Variants in DRC11L observed in about 807,000 individuals in gnomAD.
The protein encoded by DRC11L is dynein regulatory complex subunit like-11.
the DRC11L span, chr7:151,196,596 CG>C: frequency 2.5e-6 from 1 of 399,596 alleles, no homozygotes; most frequent in African/African-American, 2.1e-5. Flanking sequence ...GTCAGAGTGC[CG>C]GGTGCATACA....
At chr7:151,200,954 T>C in the DRC11L span, among the ~76,000 whole-genome samples, 1 of 150,968 alleles carries the variant, frequency 6.6e-6, no homozygotes, top group Non-Finnish European at 1.5e-5. Flanking sequence ...GCTGGACCCG[T>C]CCTCTTTCTC....
the DRC11L span, among the ~76,000 whole-genome samples, chr7:151,194,102 G>A: frequency 2.6e-5 from 4 of 151,978 alleles, no homozygotes; most frequent in African/African-American, 9.7e-5. Context: ...CAATCTGGGT[G>A]TGACCTCCAG....
At chr7:151,192,251 C>G in the DRC11L span, 1 of 399,066 alleles carries the variant, frequency 2.5e-6, no homozygotes, top group Non-Finnish European at 4.4e-6. Context: ...GTAGGCGCAG[C>G]CGTCCCCACA....
At chr7:151,204,521 G>C in the DRC11L span, 1 of 398,900 alleles carries the variant, frequency 2.5e-6, no homozygotes, top group Non-Finnish European at 4.4e-6. Context: ...GGGTGAGCTT[G>C]AAATCCTGCA....
At chr7:151,196,616 T>C in the DRC11L span, 41 of 399,380 alleles carry the variant, frequency 1.0e-4, no homozygotes, top group Middle Eastern at 6.2e-4. Flanking sequence ...CACACATGCA[T>C]TCATGCGTGC....
the DRC11L span, among the ~76,000 whole-genome samples, chr7:151,205,234 G>A: frequency 2.0e-5 from 3 of 152,104 alleles, no homozygotes; most frequent in Non-Finnish European, 2.9e-5. Flanking sequence ...AGGGATGAAT[G>A]TGGAGGAGGG....
the DRC11L span, chr7:151,193,222 C>G: frequency 1.8e-5 from 7 of 398,704 alleles, no homozygotes; most frequent in Non-Finnish European, 3.1e-5. Context: ...GTGACGTGAC[C>G]TCAAAGCCCC....
At chr7:151,191,865 G>C in the DRC11L span, 493 of 399,146 alleles carry the variant, frequency 1.2e-3, 2 homozygotes, top group African/African-American at 9.4e-3. Flanking sequence ...TCTATCATAC[G>C]CTTCCAGAGC....
chr7:151,190,977 C>T, the DRC11L span: 172 of 400,256 alleles, frequency 4.3e-4, no homozygotes, highest in South Asian at 1.5e-3. Flanking sequence ...CAAGCCTTAG[C>T]CATCACTTCC....
At chr7:151,204,391 C>T in the DRC11L span, 4 of 393,672 alleles carry the variant, frequency 1.0e-5, no homozygotes, top group Admixed American at 1.8e-4. Flanking sequence ...CTACCCCACC[C>T]GACCCCAAGC....
At chr7:151,193,048 G>A in the DRC11L span, 1 of 397,144 alleles carries the variant, frequency 2.5e-6, no homozygotes, top group Non-Finnish European at 4.4e-6. Context: ...TGGGGGAGCT[G>A]CATATTCAGT....
the DRC11L span, among the ~76,000 whole-genome samples, chr7:151,196,736 C>T: frequency 6.6e-6 from 1 of 152,204 alleles, no homozygotes; most frequent in Non-Finnish European, 1.5e-5. Context: ...ATTGCTTCTA[C>T]CCAGACGGCA....
the DRC11L span, among the ~76,000 whole-genome samples, chr7:151,201,761 G>A: frequency 2.6e-5 from 4 of 152,294 alleles, no homozygotes; most frequent in South Asian, 4.1e-4. This position sits in a 1 kb window ranked among gnomAD's most constrained non-coding sequence, Gnocchi z 4.1. Flanking sequence ...AACAGTTCCT[G>A]GAAAGAAAAG....
At chr7:151,200,458 G>T in the DRC11L span, 2 of 399,298 alleles carry the variant, frequency 5.0e-6, no homozygotes, top group Non-Finnish European at 4.4e-6. Flanking sequence ...TCCACACCTG[G>T]CGGAGGGATG....
chr7:151,197,047 C>T, the DRC11L span: 1 of 399,798 alleles, frequency 2.5e-6, no homozygotes, highest in Non-Finnish European at 4.4e-6. Context: ...ACACCGCATC[C>T]ACTTCCTAGA....
chr7:151,192,200 C>A, the DRC11L span: 45 of 398,524 alleles, frequency 1.1e-4, no homozygotes, highest in South Asian at 5.1e-3. Context: ...TGAGGGCTCG[C>A]AGCAGCAATG....
At chr7:151,197,195 G>C in the DRC11L span, 2 of 399,552 alleles carry the variant, frequency 5.0e-6, no homozygotes, top group East Asian at 7.1e-5. Flanking sequence ...GCATCCGAGA[G>C]GTATCTTACC....
chr7:151,194,783 C>T, the DRC11L span, among the ~76,000 whole-genome samples: 1 of 152,186 alleles, frequency 6.6e-6, no homozygotes, highest in Non-Finnish European at 1.5e-5. Flanking sequence ...TCAGGTATGG[C>T]ACCAAATCAC....
chr7:151,195,822 C>G, the DRC11L span: 43 of 391,350 alleles, frequency 1.1e-4, no homozygotes, highest in African/African-American at 6.8e-4. Context: ...CCGAACATTC[C>G]TCTGCATTCC....
Sources: allele counts gnomAD v4.1 joint callset (sites outside exome capture counted in the v4.1 genomes callset), GRCh38; gene constraint gnomAD v4.1.1; non-coding constraint Gnocchi (gnomAD v3.1); transcripts MANE v1.5; gene names NCBI Gene and HGNC (gene_info 2026-07-23, HGNC 2026-07-21).